ODAD4: variants seen among roughly 807,000 people sequenced by gnomAD.
ODAD4 encodes the protein outer dynein arm-docking complex subunit 4.
A neutral mutation model predicts 51.8 loss-of-function variants in ODAD4; 49 were observed. That is an observed-to-expected ratio of 0.95 (90% confidence interval 0.75 to 1.20). The LOEUF is 1.20. Among genes scored for constraint, ODAD4 ranks in the 50% most tolerant of loss-of-function variants. The pLI is 0.00. For missense variants in ODAD4, 590 were observed against 586.5 expected (o/e 1.01, Z -0.06); for synonymous variants, 235 against 221.3 (o/e 1.06, Z -0.55).
chr17:41,935,260 G>T lies in ODAD4; in HGVS notation c.158G>T (p.Arg53Leu). 2 of 1,613,826 alleles carry T rather than the reference G, an allele frequency of 1.2e-6. No homozygotes were observed. Among genetic ancestry groups the T allele is most frequent in the Non-Finnish European group, 8.5e-7 (1 of 1,179,892 alleles). Residue 53 changes from arginine (R) to leucine (L), a missense_variant, in exon 2 of 12, where the codon CGC becomes CTC. Coordinates refer to ENST00000377540, the MANE Select transcript of ODAD4 (RefSeq NM_031421.5). ...QDGDKNCLVA[R>L]SKCFLKMGDL... ...GGAGACAAGAACTGCCTGGTTGCTC[G>T]CTCAAAGTGCTTCCTGAAGATGGGA...
In ODAD4 at chr17:41,955,308, C is replaced by T. The variant is rs545346511; in HGVS notation, c.1434C>T (p.Ala478=). Residue 478 remains alanine, a synonymous_variant, in exon 10 of 12, where the codon GCC becomes GCT. Coordinates refer to ENST00000377540, the MANE Select transcript of ODAD4 (RefSeq NM_031421.5). ...KLVHNNEAQQ[A]IISALDDANK... ...TGCATAACAACGAGGCGCAGCAGGC[C>T]ATCATCAGTGTGAGCCTTTCCACCC... 79 of 777,992 alleles carry T rather than the reference C, an allele frequency of 1.0e-4. No homozygotes were observed. The highest frequency in any genetic ancestry group is 1.7e-4 in the Non-Finnish European group (70 of 416,996). The allele number at this position is 777,992 out of a possible 1,614,324, so 48.2% of individuals were successfully genotyped here.
At chr17:41,952,099 T>C (rs532182354) in intron 9 of ODAD4, among the ~76,000 whole-genome samples, 2 of 151,878 alleles carry the variant, frequency 1.3e-5, no homozygotes, top group East Asian at 3.9e-4. Flanking sequence ...CGGGGCACAG[T>C]GGCCCATGCC....
At chr17:41,959,695 G>A (rs967052259) in intron 10 of ODAD4, among the ~76,000 whole-genome samples, 8 of 152,200 alleles carry the variant, frequency 5.3e-5, no homozygotes, top group Non-Finnish European at 1.2e-4. Flanking sequence ...GGGGGTTCCC[G>A]GTGGCGGGGG....
At chr17:41,945,271 TC>T (rs1555639348) in intron 8 of ODAD4, 49 bp downstream of exon 8, 1 of 1,417,012 alleles carries the variant, frequency 7.1e-7, no homozygotes, top group Non-Finnish European at 9.8e-7. Context: ...TTAGAACTTC[TC>T]ACCATAACAT....
intron 8 of ODAD4, among the ~76,000 whole-genome samples, chr17:41,946,852 T>C (rs1337990847): frequency 2.7e-5 from 4 of 150,798 alleles, no homozygotes; most frequent in Non-Finnish European, 4.4e-5. Context: ...CTAATTTTTC[T>C]TTTCTTTTTT....
At chr17:41,951,005 C>T (rs1377368318) in intron 9 of ODAD4, among the ~76,000 whole-genome samples, 5 of 151,788 alleles carry the variant, frequency 3.3e-5, no homozygotes, top group Admixed American at 1.3e-4. Context: ...CCACTGCACC[C>T]GGCCTCCAAG....
At chr17:41,952,465 T>C (rs1219169462) in intron 9 of ODAD4, among the ~76,000 whole-genome samples, 3 of 134,722 alleles carry the variant, frequency 2.2e-5, no homozygotes, top group Non-Finnish European at 4.6e-5. Flanking sequence ...TGAGCCCAGG[T>C]TGAGACCGCA....
chr17:41,957,625 C>T (rs1194261810), intron 10 of ODAD4, among the ~76,000 whole-genome samples: 1 of 152,200 alleles, frequency 6.6e-6, no homozygotes, highest in African/African-American at 2.4e-5. Flanking sequence ...TACTTCCTGG[C>T]TGTCTCTGTT....
chr17:41,958,464 C>G (rs951647700), intron 10 of ODAD4, among the ~76,000 whole-genome samples: 2 of 151,804 alleles, frequency 1.3e-5, no homozygotes, highest in African/African-American at 4.8e-5. Flanking sequence ...AGTTTGAGAC[C>G]AGCCTGGCCA....
chr17:41,963,954 T>C (rs2050840139), intron 11 of ODAD4, among the ~76,000 whole-genome samples: 1 of 151,546 alleles, frequency 6.6e-6, no homozygotes, highest in Non-Finnish European at 1.5e-5. Flanking sequence ...TGGAGTGCAG[T>C]GGCGCGATCT....
In ODAD4 at chr17:41,935,307, G is replaced by C; in HGVS notation, c.205G>C (p.Asp69His). Residue 69 changes from aspartate (D) to histidine (H), a missense_variant, in exon 2 of 12, where the codon GAT becomes CAT. This residue lies in a region of ODAD4 where 360 missense variants were observed against 407.5 expected (regional missense o/e 0.88). Transcript: ENST00000377540. ...KMGDLERSLK[D>H]AEASLQSDPA... Reference sequence around the variant, plus strand: ...GGGAGACTTGGAGAGATCCCTGAAGGATGCTGAGGCTTCGCTCCAGAGTGA... The same window carrying C: ...GGGAGACTTGGAGAGATCCCTGAAGCATGCTGAGGCTTCGCTCCAGAGTGA... The C allele has an allele frequency of 1.2e-6, 2 of 1,614,014 alleles. No homozygotes were observed. The highest frequency in any genetic ancestry group is 1.7e-6 in the Non-Finnish European group (2 of 1,179,900).
intron 7 of ODAD4, among the ~76,000 whole-genome samples, chr17:41,943,675 G>A (rs932871314): frequency 2.6e-5 from 4 of 152,254 alleles, no homozygotes; most frequent in Admixed American, 2.0e-4. Context: ...GGTTGTATAC[G>A]TGCAGGTCAC....
chr17:41,956,282 C>T (rs2050731942), intron 10 of ODAD4, among the ~76,000 whole-genome samples: 1 of 151,606 alleles, frequency 6.6e-6, no homozygotes, highest in Non-Finnish European at 1.5e-5. Flanking sequence ...CTCCTGACCT[C>T]AAATGATCTG....
chr17:41,935,334 C>A lies in ODAD4; in HGVS notation c.232C>A (p.Pro78Thr), dbSNP rs782799405. 3.1e-6 allele frequency: 5 copies of A among 1,613,794 alleles called. No individual in the cohort carries two copies. The highest frequency in any genetic ancestry group is 4.2e-6 in the Non-Finnish European group (5 of 1,179,836). ...TGCTGAGGCTTCGCTCCAGAGTGAC[C>A]CAGCTTTCTGTAAGGTGACTGCATG... ...KDAEASLQSD[P>T]AFCKGILQKA... The change falls in exon 2 of 12, where the codon CCA (proline) becomes ACA (threonine). Residue 78 changes from proline to threonine, a missense_variant. Physicochemically the swap from Pro to Thr is conservative, Grantham distance 38. This residue lies in a region of ODAD4 where 360 missense variants were observed against 407.5 expected (regional missense o/e 0.88). Coordinates refer to ENST00000377540, the MANE Select transcript of ODAD4 (RefSeq NM_031421.5).
Position 41,938,780 on chromosome 17 carries a change from G to A in ODAD4, c.849G>A (p.Met283Ile), listed in dbSNP as rs782675862. Reference sequence around the variant, plus strand: ...TCAAGAGCCTGGAGGACATTGATATGTGTAGGTGTTGTTCTCAGAGGGTGG... The same window carrying A: ...TCAAGAGCCTGGAGGACATTGATATATGTAGGTGTTGTTCTCAGAGGGTGG... Reference protein sequence around the residue: ...YILKSLEDIDMLLTSGSAEGS... With the variant: ...YILKSLEDIDILLTSGSAEGS... Residue 283 changes from methionine to isoleucine, a missense_variant and splice_region_variant, in exon 6 of 12, where the codon ATG becomes ATA. Physicochemically the swap from Met to Ile is conservative, Grantham distance 10. This residue lies in a region of ODAD4 where 360 missense variants were observed against 407.5 expected (regional missense o/e 0.88). Coordinates refer to ENST00000377540, the MANE Select transcript of ODAD4 (RefSeq NM_031421.5). 1 of 1,612,682 alleles carries A rather than the reference G, an allele frequency of 6.2e-7. No homozygotes were observed. The highest frequency in any genetic ancestry group is 8.5e-7 in the Non-Finnish European group (1 of 1,179,650).
chr17:41,938,110 T>G (rs782248328), intron 5 of ODAD4, among the ~76,000 whole-genome samples: 1 of 152,214 alleles, frequency 6.6e-6, no homozygotes, highest in Non-Finnish European at 1.5e-5. Flanking sequence ...GGCTGTAACC[T>G]CTGGCCAGGC....
At chr17:41,935,155 C>G in intron 1 of ODAD4, 62 bp from the exon 2 acceptor site, 3 of 1,603,710 alleles carry the variant, frequency 1.9e-6, no homozygotes, top group Admixed American at 3.4e-5. Flanking sequence ...GGCTGCCCTT[C>G]CCACTCCAGC....
intron 9 of ODAD4, among the ~76,000 whole-genome samples, chr17:41,954,821 GCCT>G (rs2050706164): frequency 6.8e-6 from 1 of 148,050 alleles, no homozygotes; most frequent in East Asian, 2.0e-4. Flanking sequence ...TTGCACTCCA[GCCT>G]GGGCAACAAG....
chr17:41,965,569 T>C lies in ODAD4; in HGVS notation c.*86T>C. The C allele has an allele frequency of 3.0e-6, 2 of 659,606 alleles. No homozygotes were observed. The highest frequency in any genetic ancestry group is 2.5e-5 in the East Asian group (1 of 39,696). The allele number at this position is 659,606 out of a possible 1,614,324, so 40.9% of individuals were successfully genotyped here. ...AAACTGGATTTTCAAGCGATTTGTC[T>C]GTTATAGGAAAAATGAGGGTTTTAC... On this transcript the variant is annotated 3_prime_UTR_variant, in exon 12 of 12. Transcript: ENST00000377540.
Sources: allele counts gnomAD v4.1 joint callset (sites outside exome capture counted in the v4.1 genomes callset), GRCh38; gene constraint gnomAD v4.1.1; regional missense constraint gnomAD v4.1.1; transcripts MANE v1.5; gene names NCBI Gene and HGNC (gene_info 2026-07-23, HGNC 2026-07-21).